KCNB2: variants seen among roughly 807,000 people sequenced by gnomAD.
KCNB2 encodes potassium voltage-gated channel subfamily B member 2, also known as delayed rectifier potassium channel protein.
Under a neutral mutation model 61.5 loss-of-function variants are expected in KCNB2, and 15 were observed. The observed-to-expected ratio is 0.24, with a 90% CI of 0.16 to 0.38. KCNB2 has a LOEUF of 0.38. KCNB2 is among the 10% of genes least tolerant of loss of function. The pLI, the probability that KCNB2 is intolerant of heterozygous loss-of-function variation, is 1.00. For synonymous variants in KCNB2, 457 were observed against 446.0 expected, an observed-to-expected ratio of 1.02 and a Z score of -0.31; for missense variants, 828 against 1,125.2, an observed-to-expected ratio of 0.74 and a Z score of 3.78.
At chr8:72,612,197 G>A (rs1288804610) in intron 2 of KCNB2, among the ~76,000 whole-genome samples, 1 of 152,094 alleles carries the variant, frequency 6.6e-6, no homozygotes, top group Admixed American at 6.6e-5. Flanking sequence ...AACATCATAA[G>A]CCTGACTATT....
chr8:72,593,966 A>G (rs1051961603), intron 2 of KCNB2, among the ~76,000 whole-genome samples: 1 of 152,152 alleles, frequency 6.6e-6, no homozygotes, highest in Admixed American at 6.5e-5. Context: ...CAAACTTTTC[A>G]CTAAGTTTCT....
intron 2 of KCNB2, among the ~76,000 whole-genome samples, chr8:72,833,471 T>C (rs1046605533): frequency 2.6e-5 from 4 of 152,196 alleles, no homozygotes; most frequent in African/African-American, 9.7e-5. Flanking sequence ...TGTGACTTCA[T>C]AATCAGGCAG....
chr8:72,748,567 A>G (rs1585870039), intron 2 of KCNB2, among the ~76,000 whole-genome samples: 1 of 149,420 alleles, frequency 6.7e-6, no homozygotes, highest in African/African-American at 2.5e-5. Flanking sequence ...TTCCAATCCT[A>G]CTGAATTTAC....
At chr8:72,788,488 A>T (rs1003983203) in intron 2 of KCNB2, among the ~76,000 whole-genome samples, 1 of 152,034 alleles carries the variant, frequency 6.6e-6, no homozygotes, top group Non-Finnish European at 1.5e-5. Flanking sequence ...TACCCCCTGA[A>T]AGGCCATTTT....
chr8:72,708,747 C>G (rs1585843476), intron 2 of KCNB2, among the ~76,000 whole-genome samples: 1 of 152,200 alleles, frequency 6.6e-6, no homozygotes, highest in Non-Finnish European at 1.5e-5. Flanking sequence ...AATATCTTTC[C>G]TAGTTCCTAC....
intron 2 of KCNB2, among the ~76,000 whole-genome samples, chr8:72,779,057 G>A (rs1165196839): frequency 2.0e-5 from 3 of 152,124 alleles, no homozygotes; most frequent in African/African-American, 4.8e-5. Flanking sequence ...CTGTGCCCCA[G>A]TCACAGCAAG....
intron 2 of KCNB2, among the ~76,000 whole-genome samples, chr8:72,615,863 G>A (rs1805611909): frequency 6.6e-6 from 1 of 152,202 alleles, no homozygotes; most frequent in Non-Finnish European, 1.5e-5. Context: ...TCTCAGTAGA[G>A]TCTTTAAGCT....
rs146725972 is a variant in KCNB2 at position 72,704,070 on chromosome 8, A to G, written c.579+135757A>G. 2.1e-3 allele frequency among the ~76,000 whole-genome samples: 322 copies of G among 152,320 alleles called. 3 individuals carry two copies. The highest frequency in any genetic ancestry group is 7.3e-3 in the African/African-American group (303 of 41,574). Reference sequence around the variant, plus strand: ...ATCCCACACGTAAATCTCACAGCTCAAAATTTATTCTTGGATAATGTCAGT... The same window carrying G: ...ATCCCACACGTAAATCTCACAGCTCGAAATTTATTCTTGGATAATGTCAGT... On this transcript the variant is annotated intron_variant, in intron 2 of 2. Transcript: ENST00000523207.
chr8:72,731,379 T>C (rs574237674), intron 2 of KCNB2, among the ~76,000 whole-genome samples: 1 of 152,356 alleles, frequency 6.6e-6, no homozygotes, highest in South Asian at 2.1e-4. Context: ...TCAGAAGGCA[T>C]TTCAGAATCT....
intron 2 of KCNB2, among the ~76,000 whole-genome samples, chr8:72,684,192 A>G (rs1414768266): frequency 1.3e-5 from 2 of 152,214 alleles, no homozygotes; most frequent in African/African-American, 4.8e-5. Context: ...AAGAAGAATT[A>G]GGATTCTGGG....
intron 2 of KCNB2, among the ~76,000 whole-genome samples, chr8:72,616,367 T>TA (rs1805619421): frequency 1.3e-5 from 2 of 152,348 alleles, no homozygotes; most frequent in Non-Finnish European, 2.9e-5. Context: ...TCACATATAA[T>TA]AACCTCATGA....
At chr8:72,563,835 T>G (rs1035890020) in intron 1 of KCNB2, among the ~76,000 whole-genome samples, 2 of 152,222 alleles carry the variant, frequency 1.3e-5, no homozygotes, top group Admixed American at 6.5e-5. Flanking sequence ...CAGGAACTTA[T>G]GCCTTTGAGC....
intron 2 of KCNB2, among the ~76,000 whole-genome samples, chr8:72,577,305 A>ATGTGTG (rs35626904): frequency 1.3e-5 from 2 of 150,398 alleles, no homozygotes; most frequent in Middle Eastern, 3.4e-3. Flanking sequence ...GTGTGTGTGT[A>ATGTGTG]TGTGTGTGTG....
At chr8:72,762,613 A>C (rs1808399099) in intron 2 of KCNB2, among the ~76,000 whole-genome samples, 1 of 152,070 alleles carries the variant, frequency 6.6e-6, no homozygotes, top group Non-Finnish European at 1.5e-5. Context: ...TGATTTCTTC[A>C]TATGTAAAGT....
chr8:72,690,522 G>A (rs149503353), intron 2 of KCNB2, among the ~76,000 whole-genome samples: 462 of 152,284 alleles, frequency 3.0e-3, no homozygotes, highest in Middle Eastern at 6.8e-3. Context: ...ATCTCTCATA[G>A]CACTTGGCAC....
At chr8:72,898,411 G>A (rs1490507275) in intron 2 of KCNB2, among the ~76,000 whole-genome samples, 5 of 151,710 alleles carry the variant, frequency 3.3e-5, no homozygotes, top group Admixed American at 1.3e-4. Context: ...CCTGCACGTT[G>A]TGTACATGTA....
intron 2 of KCNB2, among the ~76,000 whole-genome samples, chr8:72,635,341 A>G (rs1226863150): frequency 1.3e-5 from 2 of 152,172 alleles, no homozygotes; most frequent in Middle Eastern, 3.2e-3. Flanking sequence ...AAAGCAATGT[A>G]ATTCAATTTA....
At position 72,866,490 on chromosome 8, in the gene KCNB2, A is replaced by T. The variant is rs527905647; in HGVS notation, c.580-69445A>T. 6.6e-5 allele frequency among the ~76,000 whole-genome samples: 10 copies of T among 152,340 alleles called. No homozygotes were observed. The East Asian group carries it at 1.4e-3, about 21-fold the overall frequency. On this transcript the variant is annotated intron_variant, in intron 2 of 2. Coordinates refer to ENST00000523207, the MANE Select transcript of KCNB2 (RefSeq NM_004770.3). ...AACACCTTTGCCTAACAGGTACAAG[A>T]TAGGCACACACAGGATCCCAAAATT... is the stretch of plus-strand genomic sequence containing the variant.
rs367953569 is a variant in KCNB2, at chr8:72,936,046, C to G, written c.691C>G (p.Arg231Gly). Residue 231 changes from arginine to glycine, a missense_variant, in exon 3 of 3, where the codon CGC (arginine) becomes GGC (glycine). By Grantham distance (125) the Arg-to-Gly change is moderately radical. This residue lies in a region of KCNB2 where 163 missense variants were observed against 314.4 expected (regional missense o/e 0.52). Coordinates refer to ENST00000523207, the MANE Select transcript of KCNB2 (RefSeq NM_004770.3). The surrounding 1 kb of genome is among the most constrained non-coding windows in gnomAD (Gnocchi z 5.6). ...TDEFGQLNDN[R>G]QLAHVEAVCI... ...CGAATTTGGACAACTCAATGACAAC[C>G]GCCAATTAGCACACGTGGAGGCTGT... 1.9e-6 allele frequency: 3 copies of G among 1,614,074 alleles called. No homozygotes were observed. The highest frequency in any genetic ancestry group is 1.3e-5 in the African/African-American group (1 of 74,930).
Sources: allele counts gnomAD v4.1 joint callset (sites outside exome capture counted in the v4.1 genomes callset), GRCh38; gene constraint gnomAD v4.1.1; regional missense constraint gnomAD v4.1.1; non-coding constraint Gnocchi (gnomAD v3.1); transcripts MANE v1.5; gene names NCBI Gene and HGNC (gene_info 2026-07-23, HGNC 2026-07-21).